NCKAP5L: variants seen among roughly 807,000 people sequenced by gnomAD.
The protein encoded by NCKAP5L is NCK associated protein 5 like, also known as nck-associated protein 5-like.
In NCKAP5L, 54 loss-of-function variants were observed where a neutral mutation model predicts 103.2. The ratio of observed to expected loss-of-function variants is 0.52; its 90% confidence interval spans 0.42 to 0.66. NCKAP5L has a LOEUF of 0.66. Among genes scored for constraint, NCKAP5L ranks in the 30% least tolerant of loss-of-function variants. The pLI, the probability that NCKAP5L is intolerant of heterozygous loss-of-function variation, is 0.00. For missense variants in NCKAP5L, 1,733 were observed against 1,750.6 expected, an observed-to-expected ratio of 0.99 and a Z score of 0.18; for synonymous variants, 762 against 748.6, an observed-to-expected ratio of 1.02 and a Z score of -0.29.
chr12:49,811,098 C>T (rs1405231197), intron 1 of NCKAP5L, among the ~76,000 whole-genome samples: 8 of 152,206 alleles, frequency 5.3e-5, no homozygotes, highest in African/African-American at 1.4e-4. Flanking sequence ...TAGCCACATG[C>T]GAGCTCAAGA....
intron 7 of NCKAP5L, 103 bp downstream of exon 7, chr12:49,798,232 ATTCGGCTGCTCACAC>A: frequency 1.1e-6 from 1 of 940,628 alleles, no homozygotes; most frequent in South Asian, 1.4e-5. Flanking sequence ...TTTTTTTGGC[ATTCGGCTGCTCACAC>A]TTCCAGCCTG....
chr12:49,813,278 G>A (rs184052841), intron 1 of NCKAP5L, among the ~76,000 whole-genome samples: 94 of 152,244 alleles, frequency 6.2e-4, no homozygotes, highest in African/African-American at 2.1e-3. Flanking sequence ...AGTGTATGAG[G>A]GTTCCAATTT....
intron 6 of NCKAP5L, among the ~76,000 whole-genome samples, chr12:49,799,931 C>T (rs1383183310): frequency 1.3e-5 from 2 of 152,240 alleles, no homozygotes; most frequent in Non-Finnish European, 2.9e-5. Context: ...CATGGTGGCT[C>T]ATGCCTGTAA....
In NCKAP5L at chr12:49,804,018, A is replaced by G. The variant is rs1394292869; in HGVS notation, c.27T>C (p.Ala9=). The change falls in exon 3 of 13, where the codon GCT becomes GCC. Residue 9 remains alanine, a synonymous_variant. Coordinates refer to ENST00000335999, the MANE Select transcript of NCKAP5L (RefSeq NM_001037806.4). ...CTGGCCTTGGGTTTCCAGGACCCCC[A>G]GCTGGCTGGTCCATGGCCTCTGACA... MSEAMDQP[A]GGPGNPRPGE... 1.9e-6 allele frequency: 3 copies of G among 1,611,742 alleles called. No individual in the cohort carries two copies. The highest frequency in any genetic ancestry group is 2.5e-6 in the Non-Finnish European group (3 of 1,179,964).
intron 1 of NCKAP5L, among the ~76,000 whole-genome samples, chr12:49,815,198 T>C (rs145973172): frequency 6.6e-6 from 1 of 152,244 alleles, no homozygotes; most frequent in African/African-American, 2.4e-5. Flanking sequence ...TATGTAAATA[T>C]CCTGTTTCTC....
Position 49,804,026 on chromosome 12 carries a change from G to T in NCKAP5L, c.19C>A (p.Gln7Lys). MSEAMD[Q>K]PAGGPGNPRP... ...GGGTTTCCAGGACCCCCAGCTGGCT[G>T]GTCCATGGCCTCTGACATCTGGCCC... The change falls in exon 3 of 13, where the codon CAG (glutamine) becomes AAG (lysine). Residue 7 changes from glutamine (Q) to lysine (K), a missense_variant. Physicochemically the swap from Gln to Lys is moderately conservative, Grantham distance 53. Coordinates refer to ENST00000335999, the MANE Select transcript of NCKAP5L (RefSeq NM_001037806.4). 6.2e-7 allele frequency: 1 copy of T among 1,611,378 alleles called. No individual in the cohort carries two copies.
Position 49,792,907 on chromosome 12 carries a change from G to A in NCKAP5L, c.3420C>T (p.Pro1140=). The change falls in exon 11 of 13, where the codon CCC becomes CCT. Residue 1140 remains proline (P), a synonymous_variant. Coordinates refer to ENST00000335999, the MANE Select transcript of NCKAP5L (RefSeq NM_001037806.4). This position sits in a 1 kb window ranked among gnomAD's most constrained non-coding sequence, Gnocchi z 4.5. ...PPPDHGSSGT[P]SKNLPKTKPP... ...GCTTGGTCTTAGGAAGATTCTTGCTGGGGGTCCCACTGCTACCATGGTCTG... is the reference window on the plus strand; with the variant it reads ...GCTTGGTCTTAGGAAGATTCTTGCTAGGGGTCCCACTGCTACCATGGTCTG... 4 of 1,547,924 alleles carry A rather than the reference G, an allele frequency of 2.6e-6. No homozygotes were observed. The highest frequency in any genetic ancestry group is 1.4e-5 in the African/African-American group (1 of 73,762).
chr12:49,820,121 C>G (rs576691564), intron 1 of NCKAP5L, among the ~76,000 whole-genome samples: 45 of 152,272 alleles, frequency 3.0e-4, no homozygotes, highest in African/African-American at 1.1e-3. Context: ...ACATGCTGGG[C>G]CCCACAGGAG....
In NCKAP5L at chr12:49,797,434, C is replaced by A; in HGVS notation, c.466-40G>T. ...GATGGCATGAGGAGGAGACCACACA[C>A]AGCTGGGATCCAGTTCCAGGCCCAG... On this transcript the variant is annotated intron_variant, in intron 7 of 12. Coordinates refer to ENST00000335999, the MANE Select transcript of NCKAP5L (RefSeq NM_001037806.4). This position sits in a 1 kb window ranked among gnomAD's most constrained non-coding sequence, Gnocchi z 4.5. 6.9e-7 allele frequency: 1 copy of A among 1,454,542 alleles called. No homozygotes were observed. The highest frequency in any genetic ancestry group is 1.3e-5 in the South Asian group (1 of 78,782). 90.1% of individuals were successfully genotyped at this position (1,454,542 alleles called of 1,614,324 possible). A position where few individuals can be genotyped will look rare whatever the true frequency, so the allele number is the denominator to read the frequency against.
Position 49,796,904 on chromosome 12 carries a change from C to A in NCKAP5L, c.956G>T (p.Gly319Val). 1 of 1,610,668 alleles carries A rather than the reference C, an allele frequency of 6.2e-7. No homozygotes were observed. The highest frequency in any genetic ancestry group is 8.5e-7 in the Non-Finnish European group (1 of 1,178,882). The change falls in exon 8 of 13, where the codon GGT (glycine) becomes GTT (valine). Residue 319 changes from glycine to valine, a missense_variant. Gly to Val is a moderately radical substitution (Grantham distance 109). Coordinates refer to ENST00000335999, the MANE Select transcript of NCKAP5L (RefSeq NM_001037806.4). ...GTTCAACTGTCTGCGGGCCAGGGCA[C>A]CGAGCAGGGTGTCGGGGCTGGGTGC... Reference protein sequence around the residue: ...NEAPSPDTLLGALARRQLNLG... With the variant: ...NEAPSPDTLLVALARRQLNLG...
chr12:49,823,698 A>T (rs1946385577), intron 1 of NCKAP5L, among the ~76,000 whole-genome samples: 1 of 152,010 alleles, frequency 6.6e-6, no homozygotes, highest in Admixed American at 6.6e-5. Context: ...TTCAAGGACC[A>T]GCATAAGGTT....
intron 1 of NCKAP5L, among the ~76,000 whole-genome samples, chr12:49,816,841 G>C (rs1239739876): frequency 6.6e-6 from 1 of 151,636 alleles, no homozygotes; most frequent in Non-Finnish European, 1.5e-5. Flanking sequence ...AGACCGCAGT[G>C]ACTCTCTCTG....
rs1488119129 is a variant in NCKAP5L, at chr12:49,795,835, G to A, written c.2025C>T (p.Pro675=). Residue 675 remains proline (P), a synonymous_variant, in exon 8 of 13, where the codon CCC becomes CCT. Transcript: ENST00000335999. ...LAALGKLKTG[P]EGALGSEKNG... is the part of the protein sequence containing the mutation. ...TCTTCTCTGAGCCCAGGGCCCCCTC[G>A]GGGCCTGTCTTCAGCTTCCCCAGGG... 8.3e-6 allele frequency: 13 copies of A among 1,566,696 alleles called. No individual in the cohort carries two copies. Among genetic ancestry groups the A allele is most frequent in the African/African-American group, 6.8e-5 (5 of 73,222 alleles).
intron 1 of NCKAP5L, among the ~76,000 whole-genome samples, chr12:49,820,878 C>T (rs555078625): frequency 6.6e-6 from 1 of 152,286 alleles, no homozygotes; most frequent in South Asian, 2.1e-4. Flanking sequence ...GCAGCCAAAC[C>T]GCGTGACCCT....
intron 2 of NCKAP5L, chr12:49,804,989 G>C (rs1266972627): frequency 6.6e-6 from 1 of 152,312 alleles, no homozygotes; most frequent in Non-Finnish European, 1.5e-5. Context: ...CCCCTCCGGG[G>C]CTCTGCTTTC....
chr12:49,795,839 C>T lies in NCKAP5L; in HGVS notation c.2021G>A (p.Gly674Asp), dbSNP rs1946029904. The change falls in exon 8 of 13, where the codon GGC becomes GAC. Residue 674 changes from glycine to aspartate, a missense_variant. Transcript: ENST00000335999. ...RLAALGKLKT[G>D]PEGALGSEKN... is the part of the protein sequence containing the mutation. ...CTCTGAGCCCAGGGCCCCCTCGGGG[C>T]CTGTCTTCAGCTTCCCCAGGGCCGC... The T allele has an allele frequency of 6.4e-7, 1 of 1,567,624 alleles. No homozygotes were observed. Among genetic ancestry groups the T allele is most frequent in the Non-Finnish European group, 8.6e-7 (1 of 1,157,936 alleles).
intron 1 of NCKAP5L, among the ~76,000 whole-genome samples, chr12:49,814,073 C>T (rs529965243): frequency 6.6e-6 from 1 of 151,794 alleles, no homozygotes; most frequent in South Asian, 2.1e-4. Flanking sequence ...CCTCCCAAAG[C>T]ACTGGGATTA....
At position 49,795,918 on chromosome 12, in the gene NCKAP5L, C is replaced by T. The variant is rs1158609780; in HGVS notation, c.1942G>A (p.Gly648Arg). Residue 648 changes from glycine to arginine, a missense_variant, in exon 8 of 13, where the codon GGG becomes AGG. Gly to Arg is a moderately radical substitution (Grantham distance 125). Coordinates refer to ENST00000335999, the MANE Select transcript of NCKAP5L (RefSeq NM_001037806.4). Reference sequence around the variant, plus strand: ...GGATCCCCAGGTCGCCGTCCTGACCCCTGGCTGGGCTTCTTGGATGAGTTG... The same window carrying T: ...GGATCCCCAGGTCGCCGTCCTGACCTCTGGCTGGGCTTCTTGGATGAGTTG... ...PGNSSKKPSQ[G>R]SGRRPGDPGS... The T allele has an allele frequency of 2.0e-6, 3 of 1,527,224 alleles. No individual in the cohort carries two copies. Among genetic ancestry groups the T allele is most frequent in the Non-Finnish European group, 2.6e-6 (3 of 1,144,424 alleles). 94.6% of individuals were successfully genotyped at this position (1,527,224 alleles called of 1,614,324 possible).
In NCKAP5L at chr12:49,795,667, C is replaced by T. The variant is rs771831418; in HGVS notation, c.2193G>A (p.Leu731=). 1 of 1,612,450 alleles carries T rather than the reference C, an allele frequency of 6.2e-7. No homozygotes were observed. Among genetic ancestry groups the T allele is most frequent in the Admixed American group, 1.7e-5 (1 of 59,704 alleles). Residue 731 remains leucine (L), a synonymous_variant, in exon 8 of 13, where the codon TTG becomes TTA. Transcript: ENST00000335999. Reference sequence around the variant, plus strand: ...CCTGCTGCTTCAGGCTGTTTGTGCCCAAGGCCACTGCCCCCCGTATCCCCC... The same window carrying T: ...CCTGCTGCTTCAGGCTGTTTGTGCCTAAGGCCACTGCCCCCCGTATCCCCC... ...AKGGIRGAVA[L]GTNSLKQQEP...
Sources: gnomAD v4.1 joint callset for allele counts (sites outside exome capture counted in the v4.1 genomes callset) on GRCh38, gnomAD v4.1.1 for gene constraint, Gnocchi (gnomAD v3.1) non-coding constraint, MANE v1.5 for transcripts, NCBI Gene and HGNC (gene_info 2026-07-23, HGNC 2026-07-21) for gene names.